The following CAP2 variants were observed in gnomAD, a reference collection of about 807,000 sequenced individuals.
The protein encoded by CAP2 is adenylyl cyclase-associated protein 2.
Under a neutral mutation model 57.7 loss-of-function variants are expected in CAP2, and 24 were observed. The observed-to-expected ratio is 0.42, with a 90% CI of 0.30 to 0.58. CAP2 has a LOEUF of 0.58. Ranked by LOEUF, CAP2 falls within the 20% of genes least tolerant of loss-of-function variation. The pLI, the probability that CAP2 is intolerant of heterozygous loss-of-function variation, is 0.22. For synonymous variants in CAP2, 194 were observed against 207.2 expected (o/e 0.94, Z 0.55); for missense variants, 501 against 590.3 (o/e 0.85, Z 1.57).
chr6:17,469,790 C>T (rs974963968), intron 4 of CAP2, among the ~76,000 whole-genome samples: 4 of 152,136 alleles, frequency 2.6e-5, no homozygotes, highest in African/African-American at 7.2e-5. Flanking sequence ...CCTTCTTGGC[C>T]GTTCCTCCAT....
At chr6:17,394,533 G>A (rs186642096) in intron 1 of CAP2, among the ~76,000 whole-genome samples, 2 of 152,342 alleles carry the variant, frequency 1.3e-5, no homozygotes, top group African/African-American at 4.8e-5. Context: ...ACTGCATTTA[G>A]GAAGTTGAAC....
chr6:17,503,157 G>A (rs1044258893), intron 4 of CAP2, among the ~76,000 whole-genome samples: 1 of 152,076 alleles, frequency 6.6e-6, no homozygotes, highest in African/African-American at 2.4e-5. Context: ...GGTTTGCTAG[G>A]GCTGCCCTAA....
At chr6:17,424,501 G>A in intron 2 of CAP2, among the ~76,000 whole-genome samples, 1 of 152,192 alleles carries the variant, frequency 6.6e-6, no homozygotes, top group East Asian at 1.9e-4. Flanking sequence ...ATTATGATGT[G>A]CTTTAGAAGG....
chr6:17,450,302 C>T lies in CAP2; in HGVS notation c.223-12694C>T, dbSNP rs1760370464. On this transcript the variant is annotated intron_variant, in intron 3 of 12. Transcript: ENST00000229922. ...TCCTGACCTCATGATCCGCCTGTCT[C>T]GGCCCCCAAAGTGCTGGAAATACAG... is the stretch of plus-strand genomic sequence containing the variant. 3.3e-5 allele frequency among the ~76,000 whole-genome samples: 5 copies of T among 152,096 alleles called. No individual in the cohort carries two copies. In the South Asian group the frequency reaches 8.3e-4, roughly 25 times the overall value.
intron 3 of CAP2, among the ~76,000 whole-genome samples, chr6:17,455,149 G>A (rs1760524395): frequency 6.6e-6 from 1 of 152,002 alleles, no homozygotes; most frequent in Non-Finnish European, 1.5e-5. Flanking sequence ...CAATAAATAG[G>A]AAAAACCTGA....
chr6:17,506,619 C>G (rs1353879523), intron 4 of CAP2, among the ~76,000 whole-genome samples: 1 of 147,490 alleles, frequency 6.8e-6, no homozygotes, highest in Admixed American at 6.9e-5. Context: ...CAGCCTGGGA[C>G]AGAGTGAGAC....
intron 4 of CAP2, among the ~76,000 whole-genome samples, chr6:17,472,901 G>A (rs1207349172): frequency 6.6e-6 from 1 of 152,174 alleles, no homozygotes; most frequent in African/African-American, 2.4e-5. Flanking sequence ...GTTTGCTTTA[G>A]CAACATAAAG....
chr6:17,531,533 T>C (rs1379554153), intron 7 of CAP2: 1 of 1,536,896 alleles, frequency 6.5e-7, no homozygotes, highest in Admixed American at 1.7e-5. Flanking sequence ...TTGGACAAAC[T>C]TCTTTCTCAG....
intron 3 of CAP2, among the ~76,000 whole-genome samples, chr6:17,439,146 A>AG (rs1275422226): frequency 3.3e-5 from 5 of 150,460 alleles, no homozygotes; most frequent in Admixed American, 2.0e-4. Context: ...AGAGAGAGAG[A>AG]AAAAAAAGGC....
chr6:17,482,195 C>T (rs1042027039), intron 4 of CAP2, among the ~76,000 whole-genome samples: 17 of 152,166 alleles, frequency 1.1e-4, no homozygotes, highest in African/African-American at 3.9e-4. Flanking sequence ...GTGGCTTAAA[C>T]AACAGAAGCC....
chr6:17,488,476 A>C (rs1276759054), intron 4 of CAP2, among the ~76,000 whole-genome samples: 1 of 152,166 alleles, frequency 6.6e-6, no homozygotes, highest in Non-Finnish European at 1.5e-5. Context: ...TTCATCTTTG[A>C]ATAGCTCAGG....
At chr6:17,480,054 C>T (rs1228682932) in intron 4 of CAP2, among the ~76,000 whole-genome samples, 2 of 152,106 alleles carry the variant, frequency 1.3e-5, no homozygotes, top group Non-Finnish European at 2.9e-5. Flanking sequence ...CTCAAAGCTT[C>T]CGCTCCTCCA....
chr6:17,537,996 G>C (rs975211126), intron 7 of CAP2, among the ~76,000 whole-genome samples: 1 of 152,156 alleles, frequency 6.6e-6, no homozygotes. Flanking sequence ...GAACCTGGGA[G>C]ACTGATGTTG....
chr6:17,439,056 A>G (rs1759991842), intron 3 of CAP2, among the ~76,000 whole-genome samples: 1 of 151,044 alleles, frequency 6.6e-6, no homozygotes. Flanking sequence ...GGTTGCAATG[A>G]ATCAAGATTG....
intron 11 of CAP2, among the ~76,000 whole-genome samples, chr6:17,547,231 A>T (rs766605974): frequency 6.6e-6 from 1 of 152,230 alleles, no homozygotes; most frequent in Non-Finnish European, 1.5e-5. Context: ...TAACAGTCTT[A>T]TACCATTATG....
chr6:17,424,588 G>T (rs566591845), intron 2 of CAP2, among the ~76,000 whole-genome samples: 1 of 152,200 alleles, frequency 6.6e-6, no homozygotes, highest in South Asian at 2.1e-4. Context: ...TTTATAATGC[G>T]ACAAACACTG....
chr6:17,513,674 G>A lies in CAP2; in HGVS notation c.531-175G>A, dbSNP rs1466575078. On this transcript the variant is annotated intron_variant, in intron 6 of 12. Coordinates refer to ENST00000229922, the MANE Select transcript of CAP2 (RefSeq NM_006366.3). The surrounding 1 kb of genome is among the most constrained non-coding windows in gnomAD (Gnocchi z 4.3). ...CCGCCTCCCCTCAGGAGAGTACTGG[G>A]CCAGCTTCCTCCCAGGGTTCCCTTC... is the stretch of plus-strand genomic sequence containing the variant. Among the ~76,000 whole-genome samples the A allele has an allele frequency of 6.6e-6, 1 of 152,108 alleles. No homozygotes were observed. The highest frequency in any genetic ancestry group is 1.5e-5 in the Non-Finnish European group (1 of 67,998).
rs148541944 is a variant in CAP2, at chr6:17,531,679, G to T, written c.637-7590G>T. 1.4e-4 allele frequency: 111 copies of T among 782,130 alleles called. 1 individual carries two copies. In the African/African-American group the frequency reaches 1.7e-3, roughly 12 times the overall value. The allele number at this position is 782,130 out of a possible 1,614,324, so 48.4% of individuals were successfully genotyped here. On this transcript the variant is annotated intron_variant, in intron 7 of 12. Coordinates refer to ENST00000229922, the MANE Select transcript of CAP2 (RefSeq NM_006366.3). ...GAGTGGTCTCTGCTTGTTAAAAATG[G>T]GTAAGAACACTAATAGGTTGTCTGA...
At chr6:17,408,845 A>G (rs1030259123) in intron 1 of CAP2, among the ~76,000 whole-genome samples, 3 of 150,778 alleles carry the variant, frequency 2.0e-5, no homozygotes, top group Non-Finnish European at 4.4e-5. Flanking sequence ...AATTTTTTGT[A>G]TTTTTAATAG....
Sources: gnomAD v4.1 joint callset for allele counts (sites outside exome capture counted in the v4.1 genomes callset) on GRCh38, gnomAD v4.1.1 for gene constraint, Gnocchi (gnomAD v3.1) non-coding constraint, MANE v1.5 for transcripts, NCBI Gene and HGNC (gene_info 2026-07-23, HGNC 2026-07-21) for gene names.